Variants in LRPPRC observed in about 807,000 individuals in gnomAD.
The protein encoded by LRPPRC is leucine-rich PPR motif-containing protein, mitochondrial.
LRPPRC carries 120 observed loss-of-function variants against 180.3 expected under a neutral mutation model. The ratio of observed to expected loss-of-function variants is 0.67; its 90% confidence interval spans 0.57 to 0.77. The LOEUF (loss-of-function observed/expected upper bound fraction) is 0.77. LRPPRC is among the 30% of genes least tolerant of loss of function. The pLI, the probability that LRPPRC is intolerant of heterozygous loss-of-function variation, is 0.00. For synonymous variants in LRPPRC, 723 were observed against 600.0 expected, an observed-to-expected ratio of 1.21 and a Z score of -3.00; for missense variants, 2,012 against 1,657.2, an observed-to-expected ratio of 1.21 and a Z score of -3.72.
At chr2:43,987,268 G>A (rs1213142286) in intron 1 of LRPPRC, among the ~76,000 whole-genome samples, 1 of 152,056 alleles carries the variant, frequency 6.6e-6, no homozygotes, top group African/African-American at 2.4e-5. Context: ...GGCCGAGGCG[G>A]GCAGATCACG....
At chr2:43,948,666 A>G in intron 16 of LRPPRC, 148 bp from the exon 17 acceptor site, 1 of 663,838 alleles carries the variant, frequency 1.5e-6, no homozygotes, top group Non-Finnish European at 2.8e-6. Context: ...AGGCATAGAG[A>G]TTATGTGGTT....
intron 32 of LRPPRC, among the ~76,000 whole-genome samples, chr2:43,900,146 GTAT>G (rs1442251188): frequency 6.6e-6 from 1 of 151,726 alleles, no homozygotes; most frequent in Non-Finnish European, 1.5e-5. Flanking sequence ...TTTTTGTCAG[GTAT>G]TATACATTTG....
chr2:43,916,552 AGTTAT>A (rs2105021685), intron 29 of LRPPRC, among the ~76,000 whole-genome samples: 1 of 152,356 alleles, frequency 6.6e-6, no homozygotes, highest in Admixed American at 6.5e-5. Context: ...CTTTCAAGTA[AGTTAT>A]AATATGTGCC....
At chr2:43,995,652 G>A (rs987808429) in intron 1 of LRPPRC, 147 bp downstream of exon 1, 2 of 737,666 alleles carry the variant, frequency 2.7e-6, no homozygotes, top group African/African-American at 1.9e-5. Flanking sequence ...CCCCTGGTAG[G>A]GAGCGTGGTG....
chr2:43,946,054 A>G (rs1672669575), intron 21 of LRPPRC, 59 bp downstream of exon 21: 1 of 1,539,062 alleles, frequency 6.5e-7, no homozygotes, highest in Non-Finnish European at 9.0e-7. Flanking sequence ...TAGATAATCT[A>G]TCAAGGTCTG....
At chr2:43,958,568 T>G (rs1673216078) in intron 13 of LRPPRC, among the ~76,000 whole-genome samples, 1 of 152,204 alleles carries the variant, frequency 6.6e-6, no homozygotes. Context: ...AAAGTCACTT[T>G]TAAAATGACC....
rs1296893502 is a variant in LRPPRC, at chr2:43,973,587, G to GGATT, written c.1369+19_1369+20insAATC. 7 of 1,531,296 alleles carry GGATT rather than the reference G, an allele frequency of 4.6e-6. No individual in the cohort carries two copies. The highest frequency in any genetic ancestry group is 6.3e-6 in the Non-Finnish European group (7 of 1,104,598). The allele number at this position is 1,531,296 out of a possible 1,614,324, so 94.9% of individuals were successfully genotyped here. Reference sequence around the variant, plus strand: ...CTGGCTCTGGGAACCATTACAAATCGGTAAAAGGCAAAATCTAACCTTGAA... The same window carrying GGATT: ...CTGGCTCTGGGAACCATTACAAATCGGATTGTAAAAGGCAAAATCTAACCTTGAA... On this transcript the variant is annotated intron_variant, in intron 11 of 37. Coordinates refer to ENST00000260665, the MANE Select transcript of LRPPRC (RefSeq NM_133259.4).
chr2:43,975,819 G>A (rs1674031578), intron 6 of LRPPRC, among the ~76,000 whole-genome samples: 2 of 152,196 alleles, frequency 1.3e-5, no homozygotes, highest in South Asian at 4.2e-4. Context: ...CTGACCTCAG[G>A]TGATCTGCCC....
At chr2:43,893,794 T>C (rs549253153) in intron 36 of LRPPRC, among the ~76,000 whole-genome samples, 2 of 152,132 alleles carry the variant, frequency 1.3e-5, no homozygotes, top group Non-Finnish European at 2.9e-5. Flanking sequence ...TACAGAATGT[T>C]CTCCCTGTAA....
chr2:43,989,062 G>A (rs1287185423), intron 1 of LRPPRC, among the ~76,000 whole-genome samples: 1 of 152,010 alleles, frequency 6.6e-6, no homozygotes, highest in Non-Finnish European at 1.5e-5. Context: ...TCTAGAGACA[G>A]GAGTCTCACT....
At chr2:43,985,302 T>G (rs1674482454) in intron 1 of LRPPRC, among the ~76,000 whole-genome samples, 1 of 152,222 alleles carries the variant, frequency 6.6e-6, no homozygotes, top group African/African-American at 2.4e-5. Context: ...TTTGCTGTAG[T>G]GTAGTATCTT....
chr2:43,920,079 TAAAAAAAA>T (rs1023425078), intron 27 of LRPPRC, among the ~76,000 whole-genome samples: 1 of 79,476 alleles, frequency 1.3e-5, no homozygotes, highest in Non-Finnish European at 2.3e-5. Flanking sequence ...ATCAGCAATT[TAAAAAAAA>T]AAAAAAAAAA....
chr2:43,962,419 T>C (rs2103668350), intron 12 of LRPPRC, among the ~76,000 whole-genome samples: 1 of 152,350 alleles, frequency 6.6e-6, no homozygotes, highest in East Asian at 1.9e-4. Flanking sequence ...CACTCTAACA[T>C]TATTAGAAAA....
chr2:43,989,477 T>C (rs1360859377), intron 1 of LRPPRC, among the ~76,000 whole-genome samples: 3 of 152,342 alleles, frequency 2.0e-5, no homozygotes, highest in Admixed American at 2.0e-4. Context: ...ACCGATAATG[T>C]GACATGGACA....
At chr2:43,990,804 T>C (rs959445982) in intron 1 of LRPPRC, among the ~76,000 whole-genome samples, 4 of 151,782 alleles carry the variant, frequency 2.6e-5, no homozygotes, top group Admixed American at 2.0e-4. Flanking sequence ...AGAGGCCGAA[T>C]GTTACAGATT....
At chr2:43,948,075 T>C (rs1216208885) in intron 18 of LRPPRC, 47 bp downstream of exon 18, 13 of 1,202,792 alleles carry the variant, frequency 1.1e-5, no homozygotes, top group Middle Eastern at 1.9e-4. Flanking sequence ...CATGCTGTTA[T>C]ATGTAAGTTA....
chr2:43,934,595 T>C (rs574288350), intron 24 of LRPPRC, among the ~76,000 whole-genome samples, 159 bp downstream of exon 24: 2 of 152,154 alleles, frequency 1.3e-5, no homozygotes, highest in South Asian at 2.1e-4. Context: ...ATGTATAATA[T>C]TGGAAATCTA....
At chr2:43,956,067 C>A in intron 14 of LRPPRC, among the ~76,000 whole-genome samples, 1 of 144,508 alleles carries the variant, frequency 6.9e-6, no homozygotes. Context: ...TGAGTCTCAT[C>A]ATGGGAAAAA....
At chr2:43,981,830 G>A (rs1674320970) in intron 2 of LRPPRC, among the ~76,000 whole-genome samples, 1 of 151,992 alleles carries the variant, frequency 6.6e-6, no homozygotes, top group Non-Finnish European at 1.5e-5. Context: ...ATTTATTTAG[G>A]TTGATGCAAA....
Sources: gnomAD v4.1 joint callset for allele counts (sites outside exome capture counted in the v4.1 genomes callset) on GRCh38, gnomAD v4.1.1 for gene constraint, MANE v1.5 for transcripts, NCBI Gene and HGNC (gene_info 2026-07-23, HGNC 2026-07-21) for gene names.